Variants in USP39 observed in about 807,000 individuals in gnomAD.
USP39 encodes ubiquitin specific peptidase 39.
Under a neutral mutation model 66.4 loss-of-function variants are expected in USP39, and 38 were observed. That is an observed-to-expected ratio of 0.57 (90% confidence interval 0.44 to 0.75). The LOEUF is 0.75. Ranked by LOEUF, USP39 falls within the 30% of genes least tolerant of loss-of-function variation. The pLI is 0.00. For missense variants in USP39, 608 were observed against 714.4 expected, an observed-to-expected ratio of 0.85 and a Z score of 1.70; for synonymous variants, 303 against 274.6, an observed-to-expected ratio of 1.10 and a Z score of -1.02.
At chr2:85,615,266 C>T (rs892693448), upstream of USP39, among the ~76,000 whole-genome samples, 2 of 152,114 alleles carry the variant, frequency 1.3e-5, no homozygotes, top group Admixed American at 6.5e-5. Context: ...GTGATCCGCC[C>T]GCCTTGGCCT....
At chr2:85,647,833 G>A in intron 11 of USP39, 97 bp from the exon 12 acceptor site, 3 of 1,083,526 alleles carry the variant, frequency 2.8e-6, no homozygotes, top group South Asian at 1.4e-5. Context: ...TCTAGTGGCT[G>A]TTCTTCTAAT....
upstream of USP39, chr2:85,609,669 C>A: frequency 6.5e-7 from 1 of 1,529,330 alleles, no homozygotes; most frequent in Non-Finnish European, 8.9e-7. Flanking sequence ...GGAAAATATA[C>A]GGTTAGGAAA....
intron 4 of USP39, 116 bp from the exon 5 acceptor site, chr2:85,625,423 T>C (rs1410679170): frequency 7.4e-7 from 1 of 1,355,644 alleles, no homozygotes; most frequent in Non-Finnish European, 1.0e-6. Flanking sequence ...ACTATTTTTC[T>C]GTGTGTGGTG....
chr2:85,623,507 T>G, intron 3 of USP39, 139 bp from the exon 4 acceptor site: 1 of 1,242,996 alleles, frequency 8.0e-7, no homozygotes, highest in Non-Finnish European at 1.1e-6. Context: ...ATGTGGAGGA[T>G]TCATTTTATG....
At chr2:85,644,850 A>G in intron 10 of USP39, 98 bp from the exon 11 acceptor site, 1 of 1,527,198 alleles carries the variant, frequency 6.5e-7, no homozygotes, top group East Asian at 2.3e-5. Context: ...GGGTCCTAAA[A>G]TAGGGCTGAA....
intron 11 of USP39, 107 bp downstream of exon 11, chr2:85,645,190 T>C: frequency 1.3e-6 from 2 of 1,500,506 alleles, no homozygotes; most frequent in South Asian, 2.5e-5. Flanking sequence ...GCCTTGGCTT[T>C]GGGACTCTGC....
intron 3 of USP39, 50 bp downstream of exon 3, chr2:85,621,629 T>C: frequency 6.9e-7 from 1 of 1,446,422 alleles, no homozygotes; most frequent in Non-Finnish European, 9.5e-7. Flanking sequence ...AGGGACTTTT[T>C]TTTTTTTTTT....
intron 11 of USP39, among the ~76,000 whole-genome samples, chr2:85,646,922 C>G (rs954425003): frequency 7.1e-6 from 1 of 141,132 alleles, no homozygotes; most frequent in African/African-American, 2.7e-5. Flanking sequence ...GAGTCTCACC[C>G]TATCACCCAG....
intron 8 of USP39, among the ~76,000 whole-genome samples, chr2:85,638,593 C>T (rs1431135981): frequency 6.6e-6 from 1 of 151,158 alleles, no homozygotes; most frequent in African/African-American, 2.4e-5. Context: ...GGCTGGAGTG[C>T]AATGGCACTA....
intron 5 of USP39, among the ~76,000 whole-genome samples, chr2:85,626,465 A>G (rs1157704171): frequency 2.0e-5 from 3 of 152,220 alleles, no homozygotes; most frequent in Admixed American, 2.0e-4. Context: ...CAACAGGCAG[A>G]GCATTCCTTT....
At chr2:85,628,650 G>A (rs1037829757) in intron 5 of USP39, among the ~76,000 whole-genome samples, 4 of 152,164 alleles carry the variant, frequency 2.6e-5, no homozygotes, top group African/African-American at 7.2e-5. Context: ...TCTTCTCTGA[G>A]GATGACCAAT....
chr2:85,646,725 G>T (rs752676014), intron 11 of USP39, among the ~76,000 whole-genome samples: 8 of 152,152 alleles, frequency 5.3e-5, no homozygotes, highest in Non-Finnish European at 1.0e-4. Context: ...GGCCAGAGGT[G>T]CCTCTGCCTT....
intron 6 of USP39, among the ~76,000 whole-genome samples, chr2:85,634,039 G>A (rs992597320): frequency 6.7e-5 from 10 of 150,160 alleles, no homozygotes; most frequent in South Asian, 4.2e-4. Context: ...GGGTTTCACC[G>A]TTTTAGCCGG....
intron 1 of USP39, among the ~76,000 whole-genome samples, chr2:85,603,442 G>T (rs1481712517): frequency 6.6e-6 from 1 of 152,072 alleles, no homozygotes; most frequent in Admixed American, 6.5e-5. Context: ...CATGGCCAGT[G>T]TTGGTAAGCA....
At chr2:85,608,701 CAAAAAAAAA>C (rs5832651), upstream of USP39, 36 of 55,448 alleles carry the variant, frequency 6.5e-4, no homozygotes, top group Middle Eastern at 7.5e-3. Flanking sequence ...ACAAAATCCT[CAAAAAAAAA>C]AAAAAAAAAA....
chr2:85,613,353 A>G (rs1373888143), upstream of USP39, among the ~76,000 whole-genome samples: 1 of 152,154 alleles, frequency 6.6e-6, no homozygotes, highest in Non-Finnish European at 1.5e-5. Flanking sequence ...CTAAAAAAAA[A>G]TACAAAAAAT....
At chr2:85,612,008 C>G (rs904998304), upstream of USP39, 14 of 1,475,516 alleles carry the variant, frequency 9.5e-6, no homozygotes, top group Non-Finnish European at 1.2e-5. Context: ...CGCAGAGTCG[C>G]CGCCGCCTCG....
intron 1 of USP39, among the ~76,000 whole-genome samples, chr2:85,617,957 T>C (rs1674123223): frequency 1.4e-5 from 1 of 71,204 alleles, no homozygotes; most frequent in African/African-American, 1.4e-4. Context: ...ACATGTACAT[T>C]CTTTTTTTTT....
rs182174412 is a variant in USP39, at chr2:85,632,753, A to G, written c.949+1807A>G. Among the ~76,000 whole-genome samples the G allele has an allele frequency of 3.8e-3, 578 of 151,982 alleles. 5 individuals carry two copies. The highest frequency in any genetic ancestry group is 0.014 in the African/African-American group (560 of 41,476). ...GTGAGCCACCACGCCCGGCTCAACT[A>G]TCTTTTTTAAGAAAAGGTAATTACA... is the stretch of plus-strand genomic sequence containing the variant. On this transcript the variant is annotated intron_variant, in intron 6 of 12. Transcript: ENST00000323701.
Sources: allele counts gnomAD v4.1 joint callset (sites outside exome capture counted in the v4.1 genomes callset), GRCh38; gene constraint gnomAD v4.1.1; transcripts MANE v1.5; gene names NCBI Gene and HGNC (gene_info 2026-07-23, HGNC 2026-07-21).